TSC1: variants seen among roughly 807,000 people sequenced by gnomAD.
The protein encoded by TSC1 is TSC complex subunit 1.
Under a neutral mutation model 124.3 loss-of-function variants are expected in TSC1, and 20 were observed. That is an observed-to-expected ratio of 0.16 (90% confidence interval 0.11 to 0.23). The LOEUF (loss-of-function observed/expected upper bound fraction) is 0.23. Ranked by LOEUF, TSC1 falls within the 10% of genes least tolerant of loss-of-function variation. The pLI, the probability that TSC1 is intolerant of heterozygous loss-of-function variation, is 1.00. For missense variants in TSC1, 1,124 were observed against 1,448.5 expected (o/e 0.78, Z 3.64); for synonymous variants, 493 against 539.1 (o/e 0.91, Z 1.19).
intron 8 of TSC1, among the ~76,000 whole-genome samples, chr9:132,919,202 T>C (rs1846413436): frequency 6.6e-6 from 1 of 152,182 alleles, no homozygotes; most frequent in Admixed American, 6.5e-5. Context: ...AAAGATGTGG[T>C]GGTATAATCT....
chr9:132,919,702 G>A (rs560039093), intron 8 of TSC1, among the ~76,000 whole-genome samples: 1 of 152,250 alleles, frequency 6.6e-6, no homozygotes, highest in African/African-American at 2.4e-5. Context: ...CTGCACAGGA[G>A]AGAGGCGAAG....
chr9:132,938,055 T>C (rs569136366), intron 1 of TSC1, among the ~76,000 whole-genome samples: 6 of 152,204 alleles, frequency 3.9e-5, no homozygotes, highest in African/African-American at 1.2e-4. Context: ...GTTAAGACTT[T>C]TAATTTCTTT....
intron 8 of TSC1, among the ~76,000 whole-genome samples, chr9:132,915,108 C>T (rs892087547): frequency 2.6e-5 from 4 of 151,832 alleles, no homozygotes; most frequent in Non-Finnish European, 4.4e-5. Context: ...ATAGCTTGAC[C>T]CTGGGAGGTT....
chr9:132,934,855 A>G (rs980695002), intron 2 of TSC1, among the ~76,000 whole-genome samples, 178 bp downstream of exon 2: 1 of 152,290 alleles, frequency 6.6e-6, no homozygotes, highest in African/African-American at 2.4e-5. Context: ...GCACAGTGTC[A>G]GGCACTGAAT....
At position 132,906,155 on chromosome 9, in the gene TSC1, G is replaced by A; in HGVS notation, c.1439-16C>T. Reference sequence around the variant, plus strand: ...GATATTGCAGCTGAGAGGAAGAGAGGAAACAAAAGAAATGGCAGTCGGTAT... The same window carrying A: ...GATATTGCAGCTGAGAGGAAGAGAGAAAACAAAAGAAATGGCAGTCGGTAT... On this transcript the variant is annotated splice_polypyrimidine_tract_variant and intron_variant, in intron 14 of 22. Transcript: ENST00000298552. The surrounding 1 kb of genome is among the most constrained non-coding windows in gnomAD (Gnocchi z 4.1). 1 of 1,609,958 alleles carries A rather than the reference G, an allele frequency of 6.2e-7. No homozygotes were observed. Among genetic ancestry groups the A allele is most frequent in the Non-Finnish European group, 8.5e-7 (1 of 1,179,036 alleles).
chr9:132,900,464 T>C (rs2131680457), intron 20 of TSC1: 1 of 507,582 alleles, frequency 2.0e-6, no homozygotes, highest in South Asian at 2.0e-5. Context: ...AGGAAACACT[T>C]TACACCTACT....
chr9:132,901,023 TAGAC>T (rs1478839751), intron 19 of TSC1, among the ~76,000 whole-genome samples, 186 bp from the exon 20 acceptor site: 3 of 151,926 alleles, frequency 2.0e-5, no homozygotes, highest in Non-Finnish European at 2.9e-5. Flanking sequence ...ACAACAAAAA[TAGAC>T]AGAAACACAC....
In TSC1 at chr9:132,895,440, G is replaced by T. The variant is rs1308538690; in HGVS notation, c.*795C>A. ...GCTCCTTCCCTCCTATGGAGAACAG[G>T]TTTTACCACCTACACACCAGCCTGT... On this transcript the variant is annotated 3_prime_UTR_variant, in exon 23 of 23. Coordinates refer to ENST00000298552, the MANE Select transcript of TSC1 (RefSeq NM_000368.5). 2 of 233,484 alleles carry T rather than the reference G, an allele frequency of 8.6e-6. No individual in the cohort carries two copies. The highest frequency in any genetic ancestry group is 1.2e-4 in the East Asian group (2 of 16,590). The allele number at this position is 233,484 out of a possible 1,614,324, so 14.5% of individuals were successfully genotyped here. A position where few individuals can be genotyped will look rare whatever the true frequency, so the allele number is the denominator to read the frequency against.
chr9:132,903,538 A>C lies in TSC1; in HGVS notation c.2208+113T>G. ...TAATCTCAAGCGACCTGCCCAAAGG[A>C]GTGGGAAGGACTGGGAACTCTGACC... On this transcript the variant is annotated intron_variant, in intron 17 of 22. Transcript: ENST00000298552. This position sits in a 1 kb window ranked among gnomAD's most constrained non-coding sequence, Gnocchi z 5.9. The C allele has an allele frequency of 6.8e-7, 1 of 1,468,808 alleles. No homozygotes were observed. The highest frequency in any genetic ancestry group is 2.4e-4 in the Middle Eastern group (1 of 4,172). The allele number at this position is 1,468,808 out of a possible 1,614,324, so 91.0% of individuals were successfully genotyped here.
chr9:132,911,539 A>T lies in TSC1; in HGVS notation c.943T>A (p.Ser315Thr), dbSNP rs185815387. The change falls in exon 10 of 23, where the codon TCT (serine) becomes ACT (threonine). Residue 315 changes from serine (S) to threonine (T), a missense_variant. This residue lies in a region of TSC1 where 463 missense variants were observed against 606.8 expected (regional missense o/e 0.76). Transcript: ENST00000298552. Reference protein sequence around the residue: ...GCATSTPYSTSRLMLLNMPGQ... With the variant: ...GCATSTPYSTTRLMLLNMPGQ... ...GGCATATTTAACAACATCAGCCGAG[A>T]CGTGGAGTAAGGGGTAGAAGTAGCA... 1 of 1,604,128 alleles carries T rather than the reference A, an allele frequency of 6.2e-7. No homozygotes were observed. The highest frequency in any genetic ancestry group is 1.7e-5 in the Admixed American group (1 of 59,252).
chr9:132,941,665 A>T (rs923551185), intron 1 of TSC1: 3 of 152,236 alleles, frequency 2.0e-5, no homozygotes, highest in African/African-American at 7.2e-5. Context: ...AATATGGGAA[A>T]CTTATAGGGA....
chr9:132,916,084 GTATT>G (rs1317902131), intron 8 of TSC1, among the ~76,000 whole-genome samples: 1 of 152,186 alleles, frequency 6.6e-6, no homozygotes, highest in East Asian at 1.9e-4. Flanking sequence ...TGCACTTACA[GTATT>G]TCCCTGCTTC....
Position 132,921,607 on chromosome 9 carries a change from T to C in TSC1, c.664-171A>G, listed in dbSNP as rs781686094. On this transcript the variant is annotated intron_variant, in intron 7 of 22. Coordinates refer to ENST00000298552, the MANE Select transcript of TSC1 (RefSeq NM_000368.5). This position sits in a 1 kb window ranked among gnomAD's most constrained non-coding sequence, Gnocchi z 4.3. Reference sequence around the variant, plus strand: ...AAGAAGCCAGTCACAAAAGACCACATATTATATGATCCCATTTATACAAAA... The same window carrying C: ...AAGAAGCCAGTCACAAAAGACCACACATTATATGATCCCATTTATACAAAA... 3.3e-5 allele frequency among the ~76,000 whole-genome samples: 5 copies of C among 152,208 alleles called. No individual in the cohort carries two copies. Among genetic ancestry groups the C allele is most frequent in the Non-Finnish European group, 7.3e-5 (5 of 68,034 alleles).
upstream of TSC1, chr9:132,945,294 A>G (rs1265430924): frequency 1.3e-5 from 2 of 152,368 alleles, no homozygotes; most frequent in East Asian, 1.9e-4. Flanking sequence ...TCTGCCTTCA[A>G]GTAGCTCACA....
intron 12 of TSC1, among the ~76,000 whole-genome samples, chr9:132,909,501 T>C (rs190413997): frequency 9.2e-5 from 14 of 152,338 alleles, no homozygotes; most frequent in Admixed American, 6.5e-4. Context: ...GTTGTTTATC[T>C]TGAAGTGACA....
At chr9:132,934,132 A>C (rs555842020) in intron 2 of TSC1, among the ~76,000 whole-genome samples, 1 of 152,332 alleles carries the variant, frequency 6.6e-6, no homozygotes, top group East Asian at 1.9e-4. Context: ...AGAATACACT[A>C]AACAGCAACC....
chr9:132,921,380 A>G lies in TSC1; in HGVS notation c.720T>C (p.His240=). The G allele has an allele frequency of 1.2e-6, 2 of 1,614,186 alleles. No individual in the cohort carries two copies. Among genetic ancestry groups the G allele is most frequent in the Non-Finnish European group, 1.7e-6 (2 of 1,180,014 alleles). Residue 240 remains histidine, a synonymous_variant, in exon 8 of 23, where the codon CAT becomes CAC. Transcript: ENST00000298552. The surrounding 1 kb of genome is among the most constrained non-coding windows in gnomAD (Gnocchi z 4.3). ...HPELVTGSKD[H]ELDPRRWKRL... is the part of the protein sequence containing the mutation. The stretch of plus-strand genomic sequence containing the variant: ...TTCTATACCTTCGAGGGTCCAGTTC[A>G]TGGTCCTTGGATCCAGTCACTAATT...
rs773279842 is a variant in TSC1, at chr9:132,901,600, C to G, written c.2491G>C (p.Val831Leu). The change falls in exon 19 of 23, where the codon GTT becomes CTT. Residue 831 changes from valine (V) to leucine (L), a missense_variant. Coordinates refer to ENST00000298552, the MANE Select transcript of TSC1 (RefSeq NM_000368.5). ...TCATTTCTTCTTACCTTTTGGGAAACCTGACTGAGCAGCAGCTCAGTGTGA... is the reference window on the plus strand; with the variant it reads ...TCATTTCTTCTTACCTTTTGGGAAAGCTGACTGAGCAGCAGCTCAGTGTGA... ...VCHTELLLSQVSQKLSNSESV... is the reference protein window; with the variant it reads ...VCHTELLLSQLSQKLSNSESV... The G allele has an allele frequency of 1.2e-6, 2 of 1,613,952 alleles. No individual in the cohort carries two copies. Among genetic ancestry groups the G allele is most frequent in the East Asian group, 2.2e-5 (1 of 44,886 alleles).
At position 132,914,708 on chromosome 9, in the gene TSC1, A is replaced by G. The variant is rs1846176434; in HGVS notation, c.738-2251T>C. 1.3e-5 allele frequency among the ~76,000 whole-genome samples: 2 copies of G among 151,260 alleles called. 1 individual carries two copies. The highest frequency in any genetic ancestry group is 4.9e-5 in the African/African-American group (2 of 41,106). ...CCCATCTTAAAAAAAAAATACAAAA[A>G]AAAAAAAAAAATTAGCCAGGCATGG... On this transcript the variant is annotated intron_variant, in intron 8 of 22. Coordinates refer to ENST00000298552, the MANE Select transcript of TSC1 (RefSeq NM_000368.5).
Sources: gnomAD v4.1 joint callset for allele counts (sites outside exome capture counted in the v4.1 genomes callset) on GRCh38, gnomAD v4.1.1 for gene constraint, gnomAD v4.1.1 regional missense constraint, Gnocchi (gnomAD v3.1) non-coding constraint, MANE v1.5 for transcripts, NCBI Gene and HGNC (gene_info 2026-07-23, HGNC 2026-07-21) for gene names.